The following SYN1 variants were observed in gnomAD, a reference collection of about 807,000 sequenced individuals.
The protein encoded by SYN1 is synapsin I.
Under a neutral mutation model 44.6 loss-of-function variants are expected in SYN1, and 8 were observed. The observed-to-expected ratio is 0.18, with a 90% confidence interval of 0.11 to 0.32. The LOEUF is 0.32. SYN1 is among the 10% of genes least tolerant of loss of function. The pLI, the probability that SYN1 is intolerant of heterozygous loss-of-function variation, is 1.00. For synonymous variants in SYN1, 275 were observed against 280.1 expected (o/e 0.98, Z 0.18); for missense variants, 451 against 639.4 (o/e 0.71, Z 3.18).
In SYN1 at chrX:47,607,039, G is replaced by A. The variant is rs751692130; in HGVS notation, c.436-3C>T. On this transcript the variant is annotated splice_region_variant and splice_polypyrimidine_tract_variant and intron_variant, in intron 2 of 12. Coordinates refer to ENST00000295987, the MANE Select transcript of SYN1 (RefSeq NM_006950.3). ...AGGTTGAGATCAGAGAATTCGGCCT[G>A]GGAAGGAGAAAAAAACTGGTGATTC... is the stretch of plus-strand genomic sequence containing the variant. 1.7e-6 allele frequency: 2 copies of A among 1,210,544 alleles called. No individual in the cohort carries two copies. Among genetic ancestry groups the A allele is most frequent in the South Asian group, 3.5e-5 (2 of 56,828 alleles).
Position 47,619,712 on chromosome X carries a change from C to T in SYN1, c.17G>A (p.Arg6His). The T allele has an allele frequency of 8.5e-7, 1 of 1,169,766 alleles. No homozygotes were observed. Among genetic ancestry groups the T allele is most frequent in the Non-Finnish European group, 1.1e-6 (1 of 873,870 alleles). Reference protein sequence around the residue: MNYLRRRLSDSNFMAN... With the variant: MNYLRHRLSDSNFMAN... ...CATAAAGTTGCTGTCCGACAGGCGG[C>T]GCCGCAGGTAGTTCATGGCTGCGAC... Residue 6 changes from arginine (R) to histidine (H), a missense_variant, in exon 1 of 13, where the codon CGC becomes CAC. Transcript: ENST00000295987.
chrX:47,591,436 A>G (rs1186860542), intron 5 of SYN1, among the ~76,000 whole-genome samples: 1 of 111,609 alleles, frequency 9.0e-6, no homozygotes, highest in East Asian at 2.8e-4. Context: ...AAATGTTAGT[A>G]TAGGCCGGGC....
intron 1 of SYN1, 127 bp from the exon 2 acceptor site, chrX:47,607,325 A>T: frequency 1.8e-6 from 1 of 561,530 alleles, no homozygotes; most frequent in Non-Finnish European, 2.9e-6. Flanking sequence ...TAATTATTGA[A>T]ATATTTTGAA....
At chrX:47,599,432 C>T (rs1433268214) in intron 5 of SYN1, among the ~76,000 whole-genome samples, 2 of 112,580 alleles carry the variant, frequency 1.8e-5, no homozygotes, top group Non-Finnish European at 3.8e-5. Flanking sequence ...TCATCTGAAT[C>T]ATCAGAATCA....
Position 47,592,916 on chromosome X carries a change from C to G in SYN1, c.774+12062G>C, listed in dbSNP as rs187142792. Among the ~76,000 whole-genome samples the G allele has an allele frequency of 2.1e-3, 237 of 111,379 alleles. 1 individual carries two copies. Among genetic ancestry groups the G allele is most frequent in the African/African-American group, 7.3e-3 (225 of 30,643 alleles). ...TTGAGACAAGGTCTCGCTCTGTCACCCAGGCTGGAGTGCAGTGGTGGGATC... is the reference window on the plus strand; with the variant it reads ...TTGAGACAAGGTCTCGCTCTGTCACGCAGGCTGGAGTGCAGTGGTGGGATC... On this transcript the variant is annotated intron_variant, in intron 5 of 12. Coordinates refer to ENST00000295987, the MANE Select transcript of SYN1 (RefSeq NM_006950.3).
Position 47,619,399 on chromosome X carries a change from TC to T in SYN1, c.329del (p.Gly110GlufsTer34). ...TGACCAGCAGCACCCTGGAGGCGGC[TC>T]CCCCGCGGCCTGCGCCCCCAGAGCC... ...GGGSGGAGRGGAASRVLLVID... is the reference protein window; with the variant it reads ...GGGSGGAGRGXAASRVLLVID... On this transcript the variant is annotated frameshift_variant, in exon 1 of 13. Coordinates refer to ENST00000295987, the MANE Select transcript of SYN1 (RefSeq NM_006950.3). LOFTEE classifies it high-confidence loss of function. The T allele has an allele frequency of 8.4e-7, 1 of 1,189,097 alleles. No individual in the cohort carries two copies.
intron 5 of SYN1, among the ~76,000 whole-genome samples, chrX:47,599,065 CAT>C (rs765776338): frequency 9.1e-5 from 10 of 109,432 alleles, no homozygotes; most frequent in African/African-American, 3.3e-4. Context: ...GAATAAAAGA[CAT>C]AGGGAAGAAA....
intron 3 of SYN1, among the ~76,000 whole-genome samples, chrX:47,606,248 T>G (rs2057896631): frequency 9.0e-6 from 1 of 110,602 alleles, no homozygotes; most frequent in Non-Finnish European, 1.9e-5. Flanking sequence ...GTGTATTGTG[T>G]GTATCTCACA....
intron 1 of SYN1, among the ~76,000 whole-genome samples, chrX:47,612,907 C>T (rs1003102125): frequency 3.6e-5 from 4 of 109,895 alleles, no homozygotes; most frequent in Admixed American, 9.6e-5. Flanking sequence ...CCGAGGTGGG[C>T]GGATTACCTG....
intron 12 of SYN1, 71 bp from the exon 13 acceptor site, chrX:47,573,070 A>C: frequency 8.7e-7 from 1 of 1,154,635 alleles, no homozygotes; most frequent in Non-Finnish European, 1.2e-6. Flanking sequence ...GAGAAACACA[A>C]CGTTACCCCA....
intron 5 of SYN1, chrX:47,584,979 C>T: frequency 1.7e-6 from 2 of 1,211,192 alleles, no homozygotes; most frequent in Non-Finnish European, 2.2e-6. Flanking sequence ...TCAACCAGAC[C>T]ACCTTATACC....
At chrX:47,614,334 G>A (rs1294264986) in intron 1 of SYN1, among the ~76,000 whole-genome samples, 1 of 111,637 alleles carries the variant, frequency 9.0e-6, no homozygotes, top group African/African-American at 3.3e-5. Flanking sequence ...TACAGCCTGA[G>A]AAGGGCATGG....
intron 3 of SYN1, among the ~76,000 whole-genome samples, 194 bp from the exon 4 acceptor site, chrX:47,605,573 T>TA (rs1343766289): frequency 8.9e-6 from 1 of 111,996 alleles, no homozygotes; most frequent in Non-Finnish European, 1.9e-5. Flanking sequence ...TGATCCCCTT[T>TA]AAGCCTCTCC....
intron 5 of SYN1, among the ~76,000 whole-genome samples, chrX:47,580,612 C>T (rs1275262929): frequency 4.0e-5 from 4 of 101,262 alleles, no homozygotes; most frequent in Non-Finnish European, 8.0e-5. Flanking sequence ...GCCTGGGAAA[C>T]AAGATCGAAA....
At chrX:47,588,740 G>A (rs772812327) in intron 5 of SYN1, among the ~76,000 whole-genome samples, 1 of 111,868 alleles carries the variant, frequency 8.9e-6, no homozygotes, top group African/African-American at 3.2e-5. Flanking sequence ...CCAGCATTCG[G>A]GGTGTCTGTG....
At chrX:47,602,713 A>T (rs1468311088) in intron 5 of SYN1, among the ~76,000 whole-genome samples, 2 of 112,051 alleles carry the variant, frequency 1.8e-5, no homozygotes, top group Non-Finnish European at 3.8e-5. Flanking sequence ...CTGTTGACGT[A>T]TATCAGTGAT....
At chrX:47,612,483 G>T (rs1313863681) in intron 1 of SYN1, among the ~76,000 whole-genome samples, 1 of 111,356 alleles carries the variant, frequency 9.0e-6, no homozygotes, top group Non-Finnish European at 1.9e-5. Flanking sequence ...TCACTAAGGG[G>T]ACTCCTTAAA....
At chrX:47,602,201 C>T (rs2057881848) in intron 5 of SYN1, among the ~76,000 whole-genome samples, 2 of 112,008 alleles carry the variant, frequency 1.8e-5, no homozygotes, top group African/African-American at 6.5e-5. Flanking sequence ...AGGTACAGGG[C>T]GTTTAAGTAA....
intron 4 of SYN1, 68 bp from the exon 5 acceptor site, chrX:47,605,135 C>T: frequency 8.3e-7 from 1 of 1,199,854 alleles, no homozygotes; most frequent in Admixed American, 2.2e-5. Context: ...TGAACACCCT[C>T]ACTTCCCCAA....
Sources: gnomAD v4.1 joint callset for allele counts (sites outside exome capture counted in the v4.1 genomes callset) on GRCh38, gnomAD v4.1.1 for gene constraint, MANE v1.5 for transcripts, NCBI Gene and HGNC (gene_info 2026-07-23, HGNC 2026-07-21) for gene names.